Variants in DOCK10 observed in about 807,000 individuals in gnomAD.
The protein encoded by DOCK10 is dedicator of cytokinesis 10.
Under a neutral mutation model 280.1 loss-of-function variants are expected in DOCK10, and 145 were observed. The observed-to-expected ratio is 0.52, with a 90% confidence interval of 0.45 to 0.59. DOCK10 has a LOEUF of 0.59. DOCK10 is among the 20% of genes least tolerant of loss of function. The probability of loss-of-function intolerance (pLI) is 0.00; values close to 1 mark genes in which losing one functional copy is unlikely to be tolerated. For missense variants in DOCK10, 2,368 were observed against 2,651.7 expected, an observed-to-expected ratio of 0.89 and a Z score of 2.35; for synonymous variants, 915 against 942.2, an observed-to-expected ratio of 0.97 and a Z score of 0.53.
At position 224,961,190 on chromosome 2, in the gene DOCK10, A is replaced by G. The variant is rs968267700; in HGVS notation, c.124-29522T>C. On this transcript the variant is annotated intron_variant, in intron 1 of 55. Coordinates refer to ENST00000258390, the MANE Select transcript of DOCK10 (RefSeq NM_014689.3). ...TCAATATCAGTGTTTCCCCAACTGT[A>G]TTCTAGAGCTTCACAACATGTTAGC... is the stretch of plus-strand genomic sequence containing the variant. Among the ~76,000 whole-genome samples the G allele has an allele frequency of 3.3e-5, 5 of 152,074 alleles. No individual in the cohort carries two copies. The East Asian group carries it at 7.7e-4, about 24-fold the overall frequency.
In DOCK10 at chr2:224,876,018, A is replaced by G. The variant is rs1324720167; in HGVS notation, c.931+20T>C. On this transcript the variant is annotated intron_variant, in intron 8 of 55. Transcript: ENST00000258390. ...GGTCACACTGGACAAAGGAAGGAAGACGGCTTCATATGCTCTCACCCAGAC... is the reference window on the plus strand; with the variant it reads ...GGTCACACTGGACAAAGGAAGGAAGGCGGCTTCATATGCTCTCACCCAGAC... 1.2e-6 allele frequency: 2 copies of G among 1,601,990 alleles called. No homozygotes were observed. Among genetic ancestry groups the G allele is most frequent in the Non-Finnish European group, 1.7e-6 (2 of 1,175,782 alleles).
chr2:225,018,172 T>A (rs545785130), intron 1 of DOCK10, among the ~76,000 whole-genome samples: 5 of 152,278 alleles, frequency 3.3e-5, no homozygotes, highest in African/African-American at 9.6e-5. Context: ...GAAACTTTTT[T>A]AAAAATAAGC....
At position 224,786,879 on chromosome 2, in the gene DOCK10, A is replaced by G. The variant is rs936642986; in HGVS notation, c.5655+143T>C. The G allele has an allele frequency of 4.6e-6, 3 of 658,904 alleles. No individual in the cohort carries two copies. In the African/African-American group the frequency reaches 5.4e-5, roughly 12 times the overall value. The allele number at this position is 658,904 out of a possible 1,614,324, so 40.8% of individuals were successfully genotyped here. A position where few individuals can be genotyped will look rare whatever the true frequency, so the allele number is the denominator to read the frequency against. The stretch of plus-strand genomic sequence containing the variant: ...CCTATGGATAAACATATAGACCATC[A>G]CATCCAGAGAAACACTCAAGTATAG... On this transcript the variant is annotated intron_variant, in intron 50 of 55. Transcript: ENST00000258390. This position sits in a 1 kb window ranked among gnomAD's most constrained non-coding sequence, Gnocchi z 4.7.
chr2:224,885,104 A>C (rs1453055369), intron 7 of DOCK10, among the ~76,000 whole-genome samples: 1 of 152,096 alleles, frequency 6.6e-6, no homozygotes, highest in Non-Finnish European at 1.5e-5. Context: ...GGTTCAAGTG[A>C]TTCTCCTGCC....
At chr2:224,931,244 G>A (rs1702354351) in intron 2 of DOCK10, among the ~76,000 whole-genome samples, 2 of 152,336 alleles carry the variant, frequency 1.3e-5, no homozygotes, top group South Asian at 4.1e-4. Context: ...GAAGTGCTCT[G>A]TGAGTCCAGG....
At chr2:224,960,255 T>G (rs1455811867) in intron 1 of DOCK10, among the ~76,000 whole-genome samples, 2 of 152,200 alleles carry the variant, frequency 1.3e-5, no homozygotes, top group South Asian at 2.1e-4. Flanking sequence ...TGCTTAGCTC[T>G]TCCTCCAGTC....
intron 26 of DOCK10, among the ~76,000 whole-genome samples, chr2:224,832,544 A>G (rs900313212): frequency 6.6e-6 from 1 of 152,240 alleles, no homozygotes; most frequent in African/African-American, 2.4e-5. Context: ...AAAGGCAGCT[A>G]TGGCTTAATG....
intron 1 of DOCK10, among the ~76,000 whole-genome samples, chr2:224,972,743 T>C (rs533237884): frequency 6.6e-6 from 1 of 152,322 alleles, no homozygotes; most frequent in Non-Finnish European, 1.5e-5. Flanking sequence ...ATTTTTAAAT[T>C]TGGCACAATT....
intron 28 of DOCK10, 40 bp downstream of exon 28, chr2:224,823,461 A>T (rs777749646): frequency 4.0e-6 from 6 of 1,511,464 alleles, no homozygotes; most frequent in Middle Eastern, 1.7e-4. Flanking sequence ...ATCCACCAAC[A>T]TGGGGCCTTG....
chr2:224,887,577 G>A (rs1269386131), intron 4 of DOCK10, among the ~76,000 whole-genome samples: 1 of 152,084 alleles, frequency 6.6e-6, no homozygotes, highest in African/African-American at 2.4e-5. Context: ...CAAAGTATGG[G>A]CATTTCTTGA....
chr2:224,978,126 A>G (rs1219146529), intron 1 of DOCK10, among the ~76,000 whole-genome samples: 5 of 152,180 alleles, frequency 3.3e-5, no homozygotes, highest in Non-Finnish European at 7.4e-5. Context: ...TGGGCTGGGT[A>G]CTAATGGAGC....
At chr2:224,870,990 C>T (rs1280870487) in intron 11 of DOCK10, among the ~76,000 whole-genome samples, 4 of 151,896 alleles carry the variant, frequency 2.6e-5, no homozygotes, top group Non-Finnish European at 5.9e-5. Context: ...CTGTGTACAG[C>T]TAATTTTTGT....
Position 224,770,444 on chromosome 2 carries a change from C to G in DOCK10, c.6306-95G>C. ...TTCAGAGTCAGGCTGCTGATGGACT[C>G]TGCCACCTCAGTGAGTTTTGGTGTG... On this transcript the variant is annotated intron_variant, in intron 54 of 55. Coordinates refer to ENST00000258390, the MANE Select transcript of DOCK10 (RefSeq NM_014689.3). The surrounding 1 kb of genome is among the most constrained non-coding windows in gnomAD (Gnocchi z 4.5). 6.4e-7 allele frequency: 1 copy of G among 1,562,624 alleles called. No homozygotes were observed. Among genetic ancestry groups the G allele is most frequent in the Non-Finnish European group, 8.7e-7 (1 of 1,146,902 alleles).
At chr2:224,851,590 G>T (rs756786858) in intron 18 of DOCK10, among the ~76,000 whole-genome samples, 17 of 151,882 alleles carry the variant, frequency 1.1e-4, no homozygotes, top group Non-Finnish European at 1.9e-4. Flanking sequence ...CAGGCAGAGT[G>T]CTTTAAGAGA....
chr2:224,884,959 G>A (rs917050266), intron 7 of DOCK10, among the ~76,000 whole-genome samples: 1 of 152,044 alleles, frequency 6.6e-6, no homozygotes, highest in East Asian at 1.9e-4. Context: ...TGCCCCTGCC[G>A]CAGGGCCTTT....
intron 52 of DOCK10, among the ~76,000 whole-genome samples, chr2:224,774,287 T>A (rs1690668648): frequency 6.6e-6 from 1 of 152,192 alleles, no homozygotes. Flanking sequence ...GCTCCGCTCA[T>A]CTGAAATTCT....
At chr2:224,919,883 G>A (rs1159791227) in intron 2 of DOCK10, among the ~76,000 whole-genome samples, 1 of 152,112 alleles carries the variant, frequency 6.6e-6, no homozygotes, top group African/African-American at 2.4e-5. Context: ...TGTGGACTGA[G>A]CTCCCTGGGC....
intron 2 of DOCK10, among the ~76,000 whole-genome samples, chr2:224,929,252 C>T (rs1702195620): frequency 6.6e-6 from 1 of 152,190 alleles, no homozygotes; most frequent in Non-Finnish European, 1.5e-5. Flanking sequence ...TAAGTAAACC[C>T]ACCAAAAGGT....
chr2:224,816,742 G>C, intron 29 of DOCK10, 29 bp from the exon 30 acceptor site: 1 of 1,214,586 alleles, frequency 8.2e-7, no homozygotes, highest in Non-Finnish European at 1.2e-6. Context: ...AAATGACTAT[G>C]ACTTACAGAC....
Sources: allele counts gnomAD v4.1 joint callset (sites outside exome capture counted in the v4.1 genomes callset), GRCh38; gene constraint gnomAD v4.1.1; non-coding constraint Gnocchi (gnomAD v3.1); transcripts MANE v1.5; gene names NCBI Gene and HGNC (gene_info 2026-07-23, HGNC 2026-07-21).